The following SAMD12 variants were observed in gnomAD, a reference collection of about 807,000 sequenced individuals.
SAMD12 encodes the protein sterile alpha motif domain containing 12, also known as sterile alpha motif domain-containing protein 12.
In SAMD12, 9 loss-of-function variants were observed where a neutral mutation model predicts 15.0. That is an observed-to-expected ratio of 0.60 (90% confidence interval 0.36 to 1.05). SAMD12 has a LOEUF of 1.05. Ranked by LOEUF, SAMD12 falls within the 50% of genes least tolerant of loss-of-function variation. The probability of loss-of-function intolerance (pLI) is 0.01; values close to 1 mark genes in which losing one functional copy is unlikely to be tolerated. For synonymous variants in SAMD12, 86 were observed against 90.1 expected (o/e 0.96, Z 0.25); for missense variants, 230 against 234.2 (o/e 0.98, Z 0.12).
At chr8:118,231,170 A>G (rs555856172) in intron 4 of SAMD12, among the ~76,000 whole-genome samples, 1 of 152,292 alleles carries the variant, frequency 6.6e-6, no homozygotes, top group South Asian at 2.1e-4. Context: ...GGCACAGAGT[A>G]GATGATAAAA....
chr8:118,314,067 C>G (rs1027808725), intron 4 of SAMD12, among the ~76,000 whole-genome samples: 10 of 152,000 alleles, frequency 6.6e-5, no homozygotes, highest in African/African-American at 2.2e-4. Flanking sequence ...TTTAAATGTT[C>G]CTAATTTCAG....
chr8:118,280,640 A>G lies in SAMD12; in HGVS notation c.434-82908T>C, dbSNP rs1325586807. Among the ~76,000 whole-genome samples, 3 of 152,346 alleles carry G rather than the reference A, an allele frequency of 2.0e-5. No individual in the cohort carries two copies. The East Asian group carries it at 5.8e-4, about 29-fold the overall frequency. On this transcript the variant is annotated intron_variant, in intron 4 of 4. Coordinates refer to the SAMD12 transcript ENST00000409003. ...ATATTACCTTCCAAAAGCAAGCTCC[A>G]GGCAGCAGCAAAAGGGAAGGAGAAA... is the stretch of plus-strand genomic sequence containing the variant.
the SAMD12 span, among the ~76,000 whole-genome samples, chr8:118,176,749 CT>C: frequency 6.6e-6 from 1 of 152,102 alleles, no homozygotes; most frequent in Admixed American, 6.5e-5. Context: ...CACCAAACCC[CT>C]GTGACACACA....
chr8:118,218,596 T>C (rs1026450702), intron 4 of SAMD12, among the ~76,000 whole-genome samples: 1 of 151,534 alleles, frequency 6.6e-6, no homozygotes, highest in Non-Finnish European at 1.5e-5. Flanking sequence ...ATTTTTAGAT[T>C]CCACTTATAA....
intron 2 of SAMD12, among the ~76,000 whole-genome samples, chr8:118,493,192 C>T (rs2131019745): frequency 6.6e-6 from 1 of 152,276 alleles, no homozygotes; most frequent in Non-Finnish European, 1.5e-5. Context: ...TCCCAGCTGA[C>T]CATATGAAAA....
chr8:118,571,805 G>T (rs1390398306), intron 2 of SAMD12, among the ~76,000 whole-genome samples: 1 of 152,218 alleles, frequency 6.6e-6, no homozygotes, highest in African/African-American at 2.4e-5. Context: ...TTTGCTGTAG[G>T]GGCAGGGTCC....
the SAMD12 span, among the ~76,000 whole-genome samples, chr8:118,132,228 G>T: frequency 6.6e-6 from 1 of 152,076 alleles, no homozygotes; most frequent in African/African-American, 2.4e-5. Context: ...TTTTACTCAA[G>T]CAATTCCCCT....
the SAMD12 span, among the ~76,000 whole-genome samples, chr8:118,182,289 G>A: frequency 3.9e-5 from 6 of 152,276 alleles, no homozygotes; most frequent in African/African-American, 1.2e-4. Flanking sequence ...GGTATTGAAG[G>A]CATAGCCCTC....
the SAMD12 span, among the ~76,000 whole-genome samples, chr8:118,165,635 T>TACATATATAC: frequency 7.7e-6 from 1 of 129,430 alleles, no homozygotes; most frequent in African/African-American, 2.8e-5. Flanking sequence ...TATATATATA[T>TACATATATAC]ACATATATAT....
rs112780663 is a variant in SAMD12 at position 118,250,503 on chromosome 8, A to ATT, written c.434-52773_434-52772dup. Among the ~76,000 whole-genome samples the ATT allele has an allele frequency of 1.9e-4, 27 of 138,780 alleles. 1 individual carries two copies. In the South Asian group the frequency reaches 2.8e-3, roughly 15 times the overall value. 91.0% of individuals were successfully genotyped at this position (138,780 alleles called of 152,430 possible). A position where few individuals can be genotyped will look rare whatever the true frequency, so the allele number is the denominator to read the frequency against. The stretch of plus-strand genomic sequence containing the variant: ...TAAAATGCCAGGAAGGCAAAAATGG[A>ATT]TTTTTTTTTTTTTTTTTGAGGCAGG... On this transcript the variant is annotated intron_variant, in intron 4 of 4. Coordinates refer to the SAMD12 transcript ENST00000409003.
the SAMD12 span, among the ~76,000 whole-genome samples, chr8:118,157,419 G>T: frequency 6.0e-4 from 92 of 152,276 alleles, no homozygotes; most frequent in East Asian, 0.017. Context: ...AGGGACAGAA[G>T]GTCAGGAATG....
At position 118,566,183 on chromosome 8, in the gene SAMD12, ATCT is replaced by A. The variant is rs143054912; in HGVS notation, c.192+14529_192+14531del. On this transcript the variant is annotated intron_variant, in intron 2 of 3. Coordinates refer to ENST00000314727, the MANE Select transcript of SAMD12 (RefSeq NM_207506.3). Reference sequence around the variant, plus strand: ...AGCCATCTGGAAACCTGCCACGATGATCTTCTTTCTTTTCTAAGTAGGCTATAT... The same window carrying A: ...AGCCATCTGGAAACCTGCCACGATGATCTTTCTTTTCTAAGTAGGCTATAT... Among the ~76,000 whole-genome samples, 489 of 152,234 alleles carry A rather than the reference ATCT, an allele frequency of 3.2e-3. 3 individuals carry two copies. The highest frequency in any genetic ancestry group is 0.011 in the African/African-American group (466 of 41,532).
At chr8:118,391,371 G>A (rs917853580) in intron 3 of SAMD12, among the ~76,000 whole-genome samples, 11 of 152,188 alleles carry the variant, frequency 7.2e-5, no homozygotes, top group Admixed American at 2.6e-4. Flanking sequence ...GCATTTGTAT[G>A]CACTGGTTTG....
intron 4 of SAMD12, among the ~76,000 whole-genome samples, chr8:118,356,715 T>C (rs1818245363): frequency 1.3e-5 from 2 of 152,188 alleles, no homozygotes; most frequent in Non-Finnish European, 2.9e-5. Flanking sequence ...AACTGCTTTA[T>C]TGGGTGTTTC....
chr8:118,182,936 TG>T, the SAMD12 span, among the ~76,000 whole-genome samples: 2 of 152,204 alleles, frequency 1.3e-5, no homozygotes. Flanking sequence ...ACTTCACACA[TG>T]GGGACAGAAA....
At chr8:118,239,114 G>T (rs1812505980) in intron 4 of SAMD12, among the ~76,000 whole-genome samples, 1 of 152,132 alleles carries the variant, frequency 6.6e-6, no homozygotes, top group Non-Finnish European at 1.5e-5. Context: ...GGATGGGGAT[G>T]ATGGTAGTGG....
At position 118,304,031 on chromosome 8, in the gene SAMD12, G is replaced by A. The variant is rs927211431; in HGVS notation, c.433+75529C>T. Among the ~76,000 whole-genome samples the A allele has an allele frequency of 2.0e-5, 3 of 152,250 alleles. No homozygotes were observed. The East Asian group carries it at 5.8e-4, about 29-fold the overall frequency. ...CTATTCTCTGTTCACATGGTACCCA[G>A]AAATCGAGCCTTCCTAGTTGTCTTC... On this transcript the variant is annotated intron_variant, in intron 4 of 4. Transcript: ENST00000409003.
intron 4 of SAMD12, among the ~76,000 whole-genome samples, chr8:118,357,710 C>T (rs2130624150): frequency 6.6e-6 from 1 of 152,316 alleles, no homozygotes; most frequent in African/African-American, 2.4e-5. Flanking sequence ...AATGGCTTCT[C>T]ATTGCACTTC....
intron 2 of SAMD12, among the ~76,000 whole-genome samples, chr8:118,445,536 A>G (rs1822887991): frequency 6.6e-6 from 1 of 152,168 alleles, no homozygotes; most frequent in Admixed American, 6.5e-5. Flanking sequence ...AACAGGTAAA[A>G]GAAGAATACA....
Sources: allele counts gnomAD v4.1 joint callset (sites outside exome capture counted in the v4.1 genomes callset), GRCh38; gene constraint gnomAD v4.1.1; transcripts MANE v1.5; gene names NCBI Gene and HGNC (gene_info 2026-07-23, HGNC 2026-07-21).